TUBGCP2: variants seen among roughly 807,000 people sequenced by gnomAD.
TUBGCP2 encodes gamma-tubulin complex component 2.
In TUBGCP2, 55 loss-of-function variants were observed where a neutral mutation model predicts 92.2. That is an observed-to-expected ratio of 0.60 (90% CI 0.48 to 0.75). The LOEUF (loss-of-function observed/expected upper bound fraction) is 0.75, where lower values mean the gene tolerates loss of function less well. Ranked by LOEUF, TUBGCP2 falls within the 30% of genes least tolerant of loss-of-function variation. The pLI is 0.00. For synonymous variants in TUBGCP2, 533 were observed against 505.2 expected, an observed-to-expected ratio of 1.06 and a Z score of -0.74; for missense variants, 1,093 against 1,188.9, an observed-to-expected ratio of 0.92 and a Z score of 1.19.
chr10:133,294,450 C>T (rs1847443769), intron 5 of TUBGCP2, among the ~76,000 whole-genome samples: 1 of 152,218 alleles, frequency 6.6e-6, no homozygotes, highest in South Asian at 2.1e-4. Context: ...CTCAGGAAGG[C>T]TCCGTACAAC....
chr10:133,297,440 T>C (rs1252091433), intron 5 of TUBGCP2: 5 of 451,982 alleles, frequency 1.1e-5, no homozygotes, highest in Non-Finnish European at 2.2e-5. Context: ...TACCCATGAA[T>C]TGTGACAGAT....
intron 6 of TUBGCP2, 35 bp downstream of exon 6, chr10:133,293,527 A>G: frequency 2.6e-6 from 4 of 1,544,556 alleles, no homozygotes; most frequent in Non-Finnish European, 3.5e-6. Flanking sequence ...CCCCCACAAC[A>G]GCGCAGGCTC....
At position 133,292,711 on chromosome 10, in the gene TUBGCP2, A is replaced by C. The variant is rs769609147; in HGVS notation, c.1025-23T>G. On this transcript the variant is annotated intron_variant, in intron 7 of 17. Coordinates refer to ENST00000252936, the MANE Select transcript of TUBGCP2 (RefSeq NM_006659.4). ...TGGCTGTGGGGAGAAAGGAGGGCTCACTGCTGAGAAGGAAGCGCACGCCCA... is the reference window on the plus strand; with the variant it reads ...TGGCTGTGGGGAGAAAGGAGGGCTCCCTGCTGAGAAGGAAGCGCACGCCCA... 3.1e-6 allele frequency: 5 copies of C among 1,605,180 alleles called. No homozygotes were observed. The South Asian group carries it at 5.5e-5, about 18-fold the overall frequency.
Position 133,293,101 on chromosome 10 carries a change from A to C in TUBGCP2, c.962T>G (p.Leu321Arg). ...CTGGATGTAGAACCAGAGCTTCTGC[A>C]GCGAAAGGAGGCCCTGCCTGTGCAG... is the stretch of plus-strand genomic sequence containing the variant. ...EQLHRQGLLS[L>R]QKLWFYIQPA... The change falls in exon 7 of 18, where the codon CTG (leucine) becomes CGG (arginine). Residue 321 changes from leucine (L) to arginine (R), a missense_variant. By Grantham distance (102) the Leu-to-Arg change is moderately radical. Around this residue, in one of 3 missense-constraint regions of TUBGCP2, gnomAD observed 490 missense variants for 488.5 expected, o/e 1.00. Transcript: ENST00000252936. 1 of 1,613,840 alleles carries C rather than the reference A, an allele frequency of 6.2e-7. No individual in the cohort carries two copies. The highest frequency in any genetic ancestry group is 8.5e-7 in the Non-Finnish European group (1 of 1,180,034).
chr10:133,312,085 C>G (rs893058020), upstream of TUBGCP2: 1 of 1,456,662 alleles, frequency 6.9e-7, no homozygotes, highest in African/African-American at 1.4e-5. Flanking sequence ...ACTCACTTTT[C>G]CTCATTGTCT....
upstream of TUBGCP2, chr10:133,309,870 G>A (rs137889151): frequency 6.2e-7 from 1 of 1,613,846 alleles, no homozygotes; most frequent in Non-Finnish European, 8.5e-7. Flanking sequence ...GCACGGAAAT[G>A]TTTGCTCCTT....
intron 17 of TUBGCP2, among the ~76,000 whole-genome samples, chr10:133,280,652 G>C (rs1326476953): frequency 6.6e-6 from 1 of 152,214 alleles, no homozygotes; most frequent in Non-Finnish European, 1.5e-5. Flanking sequence ...TCAGGGAGTG[G>C]CATATGACCA....
chr10:133,282,741 C>T (rs1847015006), intron 15 of TUBGCP2, among the ~76,000 whole-genome samples: 1 of 152,212 alleles, frequency 6.6e-6, no homozygotes, highest in Non-Finnish European at 1.5e-5. Context: ...CTGCTTGTGA[C>T]TAGTGCCTGC....
intron 15 of TUBGCP2, among the ~76,000 whole-genome samples, chr10:133,282,843 G>A (rs1043523517): frequency 1.3e-5 from 2 of 152,240 alleles, no homozygotes; most frequent in African/African-American, 2.4e-5. Context: ...CAGCACCACA[G>A]AGGCTGAGGG....
upstream of TUBGCP2, chr10:133,308,877 G>A: frequency 8.4e-7 from 1 of 1,189,376 alleles, no homozygotes. Flanking sequence ...GGAAGTGAGC[G>A]TGACGTCACG....
rs1325166612 is a variant in TUBGCP2, at chr10:133,299,617, A to C, written c.280-14T>G. ...GTACTGCAGAGTCTGAAAACATGTAAAACTGTGTGTTCACACTGGGCCAGC... is the reference window on the plus strand; with the variant it reads ...GTACTGCAGAGTCTGAAAACATGTACAACTGTGTGTTCACACTGGGCCAGC... On this transcript the variant is annotated splice_polypyrimidine_tract_variant and intron_variant, in intron 3 of 17. Coordinates refer to ENST00000252936, the MANE Select transcript of TUBGCP2 (RefSeq NM_006659.4). The C allele has an allele frequency of 6.3e-7, 1 of 1,591,974 alleles. No homozygotes were observed. The highest frequency in any genetic ancestry group is 2.3e-5 in the East Asian group (1 of 44,430).
chr10:133,281,842 C>A (rs1846987562), intron 16 of TUBGCP2, among the ~76,000 whole-genome samples: 1 of 152,258 alleles, frequency 6.6e-6, no homozygotes, highest in Non-Finnish European at 1.5e-5. Context: ...CACCCCGGAG[C>A]CGGCGCCGCA....
Position 133,281,358 on chromosome 10 carries a change from A to T in TUBGCP2, c.2488T>A (p.Ser830Thr). ...ATINKFDKNF[S>T]AHLLDLLARL... ...GCCAGGAGGTCCAGCAGGTGGGCTG[A>T]GAAGTTCTTGTCAAACTTGTTGATG... The change falls in exon 17 of 18, where the codon TCA becomes ACA. Residue 830 changes from serine (S) to threonine (T), a missense_variant. Ser to Thr is a moderately conservative substitution (Grantham distance 58). Coordinates refer to ENST00000252936, the MANE Select transcript of TUBGCP2 (RefSeq NM_006659.4). 1.2e-6 allele frequency: 2 copies of T among 1,613,890 alleles called. No homozygotes were observed. Among genetic ancestry groups the T allele is most frequent in the Non-Finnish European group, 1.7e-6 (2 of 1,180,020 alleles).
At chr10:133,289,560 TGA>T (rs1847219194) in intron 9 of TUBGCP2, among the ~76,000 whole-genome samples, 1 of 152,152 alleles carries the variant, frequency 6.6e-6, no homozygotes, top group Middle Eastern at 3.2e-3. Context: ...AAGGCACCTG[TGA>T]GAGAGCCTCG....
In TUBGCP2 at chr10:133,285,885, T is replaced by A. The variant is rs1847123951; in HGVS notation, c.1723-257A>T. 6.6e-6 allele frequency among the ~76,000 whole-genome samples: 1 copy of A among 151,982 alleles called. No homozygotes were observed. The highest frequency in any genetic ancestry group is 2.4e-5 in the African/African-American group (1 of 41,386). On this transcript the variant is annotated intron_variant, in intron 11 of 17. Coordinates refer to ENST00000252936, the MANE Select transcript of TUBGCP2 (RefSeq NM_006659.4). This position sits in a 1 kb window ranked among gnomAD's most constrained non-coding sequence, Gnocchi z 6.8. ...AAATACCCACTGCTGCTGTGGGTGGTATAAGGGAAAAACCGCTAAGGACGG... is the reference window on the plus strand; with the variant it reads ...AAATACCCACTGCTGCTGTGGGTGGAATAAGGGAAAAACCGCTAAGGACGG...
rs1380980197 is a variant in TUBGCP2, at chr10:133,284,934, A to G, written c.2024+151T>C. The G allele has an allele frequency of 2.5e-6, 3 of 1,202,078 alleles. No homozygotes were observed. The African/African-American group carries it at 4.6e-5, about 18-fold the overall frequency. The allele number at this position is 1,202,078 out of a possible 1,614,324, so 74.5% of individuals were successfully genotyped here. On this transcript the variant is annotated intron_variant, in intron 13 of 17. Coordinates refer to ENST00000252936, the MANE Select transcript of TUBGCP2 (RefSeq NM_006659.4). ...AAAATGAAGCAATGAAGCATTATGG[A>G]TCTAAAGCCACCAACGTGCGCTTCC... is the stretch of plus-strand genomic sequence containing the variant.
chr10:133,294,241 C>T (rs565885262), intron 5 of TUBGCP2, among the ~76,000 whole-genome samples: 4 of 152,362 alleles, frequency 2.6e-5, no homozygotes, highest in Non-Finnish European at 4.4e-5. Context: ...AGCTAAGCTT[C>T]CTCACGAGGA....
intron 8 of TUBGCP2, among the ~76,000 whole-genome samples, chr10:133,291,241 CCGTG>C (rs1564938745): frequency 9.2e-6 from 1 of 108,182 alleles, no homozygotes; most frequent in Non-Finnish European, 1.7e-5. Flanking sequence ...CACGCGCCCT[CCGTG>C]TCCCCCATGT....
intron 5 of TUBGCP2, among the ~76,000 whole-genome samples, chr10:133,294,173 CG>C (rs1847436012): frequency 6.6e-6 from 1 of 152,236 alleles, no homozygotes; most frequent in South Asian, 2.1e-4. Flanking sequence ...ATCACTTAAA[CG>C]TTAAGAAACT....
Sources: gnomAD v4.1 joint callset for allele counts (sites outside exome capture counted in the v4.1 genomes callset) on GRCh38, gnomAD v4.1.1 for gene constraint, gnomAD v4.1.1 regional missense constraint, Gnocchi (gnomAD v3.1) non-coding constraint, MANE v1.5 for transcripts, NCBI Gene and HGNC (gene_info 2026-07-23, HGNC 2026-07-21) for gene names.